CTNNA3: variants seen among roughly 807,000 people sequenced by gnomAD.
CTNNA3 encodes the protein catenin alpha-3.
Under a neutral mutation model 95.7 loss-of-function variants are expected in CTNNA3, and 76 were observed. That is an observed-to-expected ratio of 0.79 (90% CI 0.66 to 0.96). CTNNA3 has a LOEUF of 0.96. Among genes scored for constraint, CTNNA3 ranks in the 40% least tolerant of loss-of-function variants. CTNNA3 has a pLI of 0.00. For missense variants in CTNNA3, 1,191 were observed against 1,089.8 expected (o/e 1.09, Z -1.31); for synonymous variants, 431 against 374.4 (o/e 1.15, Z -1.74).
At chr10:67,005,560 G>C (rs1320075221) in intron 7 of CTNNA3, among the ~76,000 whole-genome samples, 1 of 151,814 alleles carries the variant, frequency 6.6e-6, no homozygotes, top group African/African-American at 2.4e-5. Flanking sequence ...GATAAGGGAA[G>C]AGGAGGCAAA....
chr10:66,750,450 C>G (rs1015522503), intron 9 of CTNNA3, among the ~76,000 whole-genome samples: 1 of 152,190 alleles, frequency 6.6e-6, no homozygotes, highest in African/African-American at 2.4e-5. Context: ...CCAGTTGTTT[C>G]AGCATCATTT....
chr10:66,199,073 GA>G (rs2087144769), intron 13 of CTNNA3, among the ~76,000 whole-genome samples: 1 of 151,868 alleles, frequency 6.6e-6, no homozygotes, highest in Non-Finnish European at 1.5e-5. Flanking sequence ...TCCATCACGG[GA>G]ATAATGTTCC....
chr10:66,584,423 A>T (rs10822850), intron 10 of CTNNA3, among the ~76,000 whole-genome samples: 30,432 of 151,798 alleles, frequency 0.2, 3,624 homozygotes, highest in African/African-American at 0.33. Context: ...TCCTATTTTA[A>T]TTACATAATG....
rs928841787 is a variant in CTNNA3, at chr10:66,405,495, C to CA, written c.1532-26144dup. Among the ~76,000 whole-genome samples the CA allele has an allele frequency of 3.8e-4, 58 of 152,080 alleles. 1 individual carries two copies. The highest frequency in any genetic ancestry group is 1.4e-3 in the African/African-American group (56 of 41,404). Reference sequence around the variant, plus strand: ...CAGTGTTTCCTTTTTAAGATTGGCTCAAAATGAGGTACACTGACCCCCATC... The same window carrying CA: ...CAGTGTTTCCTTTTTAAGATTGGCTCAAAAATGAGGTACACTGACCCCCATC... On this transcript the variant is annotated intron_variant, in intron 11 of 17. Transcript: ENST00000433211.
chr10:66,444,818 C>A (rs1325626929), intron 11 of CTNNA3, among the ~76,000 whole-genome samples: 3 of 152,102 alleles, frequency 2.0e-5, no homozygotes, highest in African/African-American at 7.2e-5. Context: ...CAAATTCACA[C>A]ATAACACTTA....
chr10:66,022,716 A>G (rs1238172035), intron 15 of CTNNA3, among the ~76,000 whole-genome samples: 1 of 152,184 alleles, frequency 6.6e-6, no homozygotes, highest in African/African-American at 2.4e-5. Context: ...ATATCTAAGC[A>G]TATCCTCCCA....
chr10:66,731,169 A>C (rs1249097175), intron 9 of CTNNA3, among the ~76,000 whole-genome samples: 1 of 152,196 alleles, frequency 6.6e-6, no homozygotes, highest in African/African-American at 2.4e-5. Context: ...CTAATTGTAC[A>C]TTTACCAGAA....
intron 9 of CTNNA3, among the ~76,000 whole-genome samples, chr10:66,703,722 G>A (rs1250479971): frequency 2.6e-5 from 4 of 152,150 alleles, no homozygotes; most frequent in Non-Finnish European, 5.9e-5. Flanking sequence ...ATTAGCACAT[G>A]CCAGCACAGT....
chr10:66,798,102 A>T (rs1388740278), intron 7 of CTNNA3, among the ~76,000 whole-genome samples: 1 of 151,828 alleles, frequency 6.6e-6, no homozygotes, highest in Non-Finnish European at 1.5e-5. Context: ...TGGAACTTTA[A>T]AAAATTGCTC....
chr10:67,216,601 A>C (rs1325733034), intron 6 of CTNNA3, among the ~76,000 whole-genome samples: 3 of 152,224 alleles, frequency 2.0e-5, no homozygotes, highest in Non-Finnish European at 4.4e-5. Flanking sequence ...TGGAGATATA[A>C]CAGTAAACAA....
intron 15 of CTNNA3, among the ~76,000 whole-genome samples, chr10:66,045,563 A>T (rs976548897): frequency 1.3e-5 from 2 of 152,326 alleles, no homozygotes; most frequent in East Asian, 3.9e-4. Flanking sequence ...ACTTCTTTTT[A>T]ATAATAGAAG....
intron 7 of CTNNA3, among the ~76,000 whole-genome samples, chr10:66,905,573 T>C (rs543033393): frequency 2.0e-4 from 31 of 152,208 alleles, no homozygotes; most frequent in African/African-American, 7.5e-4. Context: ...CCCATGTTAA[T>C]TGCAGCAATA....
At chr10:66,801,766 T>G (rs115481877) in intron 7 of CTNNA3, among the ~76,000 whole-genome samples, 1,551 of 151,694 alleles carry the variant, frequency 0.01, 26 homozygotes, top group African/African-American at 0.036. Flanking sequence ...TCTAATTTTA[T>G]GTGGAAATGC....
At chr10:66,586,786 G>A (rs955260363) in intron 10 of CTNNA3, among the ~76,000 whole-genome samples, 1 of 152,120 alleles carries the variant, frequency 6.6e-6, no homozygotes, top group Non-Finnish European at 1.5e-5. Context: ...CACTGCACTT[G>A]TGTCTCTCCC....
chr10:67,008,089 T>TA (rs936660112), intron 7 of CTNNA3, among the ~76,000 whole-genome samples: 10 of 152,030 alleles, frequency 6.6e-5, no homozygotes, highest in African/African-American at 2.4e-4. Context: ...TGTTTTTTTT[T>TA]AATGCCCATC....
rs1589414882 is a variant in CTNNA3 at position 66,912,712 on chromosome 10, G to A, written c.1048-137188C>T. On this transcript the variant is annotated intron_variant, in intron 7 of 17. Coordinates refer to ENST00000433211, the MANE Select transcript of CTNNA3 (RefSeq NM_013266.4). ...TTCCTAGCATTTTTGGAGGCTGCTGGGCTTGCTGATATTAGCAGGTTGGTC... is the reference window on the plus strand; with the variant it reads ...TTCCTAGCATTTTTGGAGGCTGCTGAGCTTGCTGATATTAGCAGGTTGGTC... 2.0e-5 allele frequency among the ~76,000 whole-genome samples: 3 copies of A among 152,034 alleles called. No homozygotes were observed. The South Asian group carries it at 6.2e-4, about 32-fold the overall frequency.
intron 1 of CTNNA3, among the ~76,000 whole-genome samples, chr10:67,652,547 T>C (rs1839905815): frequency 6.6e-6 from 1 of 152,234 alleles, no homozygotes; most frequent in Admixed American, 6.5e-5. Context: ...TAATAATGTA[T>C]ATAGTGAAAC....
At chr10:66,054,339 C>T (rs557463431) in intron 15 of CTNNA3, among the ~76,000 whole-genome samples, 5 of 152,226 alleles carry the variant, frequency 3.3e-5, no homozygotes, top group Admixed American at 6.5e-5. Context: ...TTTGTATTCA[C>T]GCCAATAGTG....
Position 67,037,701 on chromosome 10 carries a change from G to A in CTNNA3, c.1047+142616C>T, listed in dbSNP as rs149439123. Among the ~76,000 whole-genome samples, 521 of 152,282 alleles carry A rather than the reference G, an allele frequency of 3.4e-3. 1 individual carries two copies. Among genetic ancestry groups the A allele is most frequent in the African/African-American group, 0.012 (486 of 41,570 alleles). On this transcript the variant is annotated intron_variant, in intron 7 of 17. Transcript: ENST00000433211. Reference sequence around the variant, plus strand: ...CCATTTTTAGAATGGAGTATTGACAGGACTTTATGACTAAATAGGTGTAGG... The same window carrying A: ...CCATTTTTAGAATGGAGTATTGACAAGACTTTATGACTAAATAGGTGTAGG...
Sources: gnomAD v4.1 joint callset for allele counts (sites outside exome capture counted in the v4.1 genomes callset) on GRCh38, gnomAD v4.1.1 for gene constraint, MANE v1.5 for transcripts, NCBI Gene and HGNC (gene_info 2026-07-23, HGNC 2026-07-21) for gene names.